Variants in SYNE1 observed in about 807,000 individuals in gnomAD.
SYNE1 encodes nesprin-1.
SYNE1 carries 616 observed loss-of-function variants against 1,111.0 expected under a neutral mutation model. The ratio of observed to expected loss-of-function variants is 0.55; its 90% CI spans 0.52 to 0.59. The LOEUF (loss-of-function observed/expected upper bound fraction) is 0.59, where lower values mean the gene tolerates loss of function less well. Among genes scored for constraint, SYNE1 ranks in the 20% least tolerant of loss-of-function variants. The pLI, the probability that SYNE1 is intolerant of heterozygous loss-of-function variation, is 0.00. For synonymous variants in SYNE1, 3,855 were observed against 3,825.8 expected (o/e 1.01, Z -0.28); for missense variants, 10,006 against 10,417.0 (o/e 0.96, Z 1.72).
chr6:152,430,005 T>A (rs2098413684), intron 36 of SYNE1, 107 bp downstream of exon 36: 4 of 774,236 alleles, frequency 5.2e-6, no homozygotes, highest in East Asian at 2.7e-5. Context: ...AATATAAACA[T>A]TTTTCCAATT....
chr6:152,225,562 T>TAAAAAAAAA, intron 116 of SYNE1, among the ~76,000 whole-genome samples, 159 bp downstream of exon 116: 1 of 142,928 alleles, frequency 7.0e-6, no homozygotes, highest in Non-Finnish European at 1.5e-5. Flanking sequence ...AACTAGACTT[T>TAAAAAAAAA]AAAAAAAAAA....
At chr6:152,438,522 GGCAGCAGGAT>G (rs1226626491) in intron 32 of SYNE1, among the ~76,000 whole-genome samples, 1 of 152,164 alleles carries the variant, frequency 6.6e-6, no homozygotes, top group Non-Finnish European at 1.5e-5. Context: ...ATGAGTGGCA[GGCAGCAGGAT>G]GCATCAGGTA....
intron 14 of SYNE1, chr6:152,480,854 C>A (rs1170700528): frequency 2.2e-6 from 1 of 448,810 alleles, no homozygotes; most frequent in Non-Finnish European, 4.5e-6. Flanking sequence ...ACTCCTGCCC[C>A]TCTCTCTCTC....
At chr6:152,352,787 A>G (rs948549365) in intron 69 of SYNE1, among the ~76,000 whole-genome samples, 1 of 152,210 alleles carries the variant, frequency 6.6e-6, no homozygotes, top group East Asian at 1.9e-4. Flanking sequence ...GTTGACATTC[A>G]TAACCAGATT....
At chr6:152,151,762 G>A (rs2060462783) in intron 134 of SYNE1, 72 bp from the exon 135 acceptor site, 16 of 1,561,922 alleles carry the variant, frequency 1.0e-5, no homozygotes, top group Non-Finnish European at 1.3e-5. Context: ...AGATGGCACA[G>A]CGAATTCCAG....
chr6:152,466,402 G>A (rs1424817342), intron 16 of SYNE1, among the ~76,000 whole-genome samples: 1 of 152,166 alleles, frequency 6.6e-6, no homozygotes, highest in Non-Finnish European at 1.5e-5. Flanking sequence ...AAATTTAGAA[G>A]AACATTTTAA....
At chr6:152,393,994 A>C (rs537675) in intron 51 of SYNE1, among the ~76,000 whole-genome samples, 3 of 151,956 alleles carry the variant, frequency 2.0e-5, no homozygotes, top group African/African-American at 7.3e-5. Context: ...ATCCCCTGAC[A>C]GGTCCCGTTG....
At chr6:152,353,142 G>A in intron 69 of SYNE1, 121 bp downstream of exon 69, 1 of 1,331,350 alleles carries the variant, frequency 7.5e-7, no homozygotes, top group Non-Finnish European at 1.1e-6. Context: ...AAAATGATGA[G>A]CTCAGGATCA....
chr6:152,321,682 GA>G, intron 83 of SYNE1, 38 bp downstream of exon 83: 1 of 1,612,452 alleles, frequency 6.2e-7, no homozygotes, highest in East Asian at 2.2e-5. Flanking sequence ...AATTGTTTTT[GA>G]AATGATGGGT....
chr6:152,309,069 A>G (rs2095469802), intron 90 of SYNE1, among the ~76,000 whole-genome samples: 1 of 152,214 alleles, frequency 6.6e-6, no homozygotes, highest in Non-Finnish European at 1.5e-5. Context: ...CTGTAATCTC[A>G]GCACTTTTGG....
At chr6:152,596,333 C>A (rs1161718888) in intron 3 of SYNE1, among the ~76,000 whole-genome samples, 3 of 146,522 alleles carry the variant, frequency 2.0e-5, no homozygotes, top group Non-Finnish European at 4.5e-5. Flanking sequence ...CTCACTGAAA[C>A]CTTCACCTCC....
intron 77 of SYNE1, 105 bp from the exon 78 acceptor site, chr6:152,331,995 A>G (rs1590249293): frequency 6.5e-7 from 1 of 1,529,142 alleles, no homozygotes; most frequent in East Asian, 2.3e-5. Context: ...TTGGAGACTG[A>G]GTTTTGCTCT....
At chr6:152,498,085 T>C (rs915982772) in intron 11 of SYNE1, among the ~76,000 whole-genome samples, 1 of 152,230 alleles carries the variant, frequency 6.6e-6, no homozygotes, top group Non-Finnish European at 1.5e-5. Context: ...ATTAGTTGCT[T>C]CTGATTTTTC....
At chr6:152,571,662 C>T (rs962342222) in intron 3 of SYNE1, among the ~76,000 whole-genome samples, 1 of 151,944 alleles carries the variant, frequency 6.6e-6, no homozygotes, top group Non-Finnish European at 1.5e-5. Flanking sequence ...GTAAAGTACC[C>T]ACAAAGAGAA....
At chr6:152,362,799 A>G (rs2096956635) in intron 63 of SYNE1, among the ~76,000 whole-genome samples, 1 of 152,030 alleles carries the variant, frequency 6.6e-6, no homozygotes, top group South Asian at 2.1e-4. Flanking sequence ...AAAGGACAAT[A>G]TTTCCTGACT....
intron 53 of SYNE1, among the ~76,000 whole-genome samples, chr6:152,389,169 G>T (rs1255632575): frequency 1.3e-5 from 2 of 152,072 alleles, no homozygotes; most frequent in East Asian, 3.8e-4. Context: ...TTTTTGTTTT[G>T]CTTTGTAATG....
At chr6:152,334,816 T>G (rs926732050) in intron 76 of SYNE1, among the ~76,000 whole-genome samples, 1 of 152,210 alleles carries the variant, frequency 6.6e-6, no homozygotes, top group Non-Finnish European at 1.5e-5. Context: ...TTTCTGGGAA[T>G]GCAGCCCAGC....
Position 152,255,367 on chromosome 6 carries a change from A to G in SYNE1, c.19260+224T>C, listed in dbSNP as rs141746168. 0.012 allele frequency among the ~76,000 whole-genome samples: 1,794 copies of G among 152,354 alleles called. 21 individuals are homozygous for G. Among genetic ancestry groups the G allele is most frequent in the Non-Finnish European group, 0.018 (1,202 of 68,026 alleles). ...GTTTCGTATTTGGAAGATTTGTGAT[A>G]CATAACAGTGTTTCTACAAAGAGTT... On this transcript the variant is annotated intron_variant, in intron 103 of 145. Coordinates refer to ENST00000367255, the MANE Select transcript of SYNE1 (RefSeq NM_182961.4).
chr6:152,242,171 T>A, intron 107 of SYNE1, 69 bp downstream of exon 107: 1 of 1,363,074 alleles, frequency 7.3e-7, no homozygotes, highest in Non-Finnish European at 1.0e-6. Context: ...TTTTACTAAA[T>A]ATATATCAGG....
Sources: allele counts gnomAD v4.1 joint callset (sites outside exome capture counted in the v4.1 genomes callset), GRCh38; gene constraint gnomAD v4.1.1; transcripts MANE v1.5; gene names NCBI Gene and HGNC (gene_info 2026-07-23, HGNC 2026-07-21).